Variants in SRP68 observed in about 807,000 individuals in gnomAD.
The protein encoded by SRP68 is signal recognition particle subunit SRP68.
A neutral mutation model predicts 82.2 loss-of-function variants in SRP68; 15 were observed. The observed-to-expected ratio is 0.18, with a 90% CI of 0.12 to 0.28. The LOEUF is 0.28. Ranked by LOEUF, SRP68 falls within the 10% of genes least tolerant of loss-of-function variation. The pLI is 1.00. For missense variants in SRP68, 595 were observed against 780.5 expected (o/e 0.76, Z 2.83); for synonymous variants, 261 against 292.6 (o/e 0.89, Z 1.10).
Position 76,067,199 on chromosome 17 carries a change from G to T in SRP68, c.365+18C>A. The T allele has an allele frequency of 6.4e-7, 1 of 1,569,044 alleles. No individual in the cohort carries two copies. Among genetic ancestry groups the T allele is most frequent in the Non-Finnish European group, 8.8e-7 (1 of 1,139,592 alleles). The stretch of plus-strand genomic sequence containing the variant: ...ATTAGCAAGAAGTAATTTGCAACTA[G>T]CATGGAGCAGTCAATACCTATTATC... On this transcript the variant is annotated intron_variant, in intron 3 of 15. Coordinates refer to ENST00000307877, the MANE Select transcript of SRP68 (RefSeq NM_014230.4).
Position 76,039,579 on chromosome 17 carries a change from G to T in SRP68, c.*127C>A. On this transcript the variant is annotated 3_prime_UTR_variant, in exon 16 of 16. Coordinates refer to ENST00000307877, the MANE Select transcript of SRP68 (RefSeq NM_014230.4). ...CAGACACAAGATGTAGGAATGCAGG[G>T]CCGAAGATGTTAAACTCTTGCCCCG... The T allele has an allele frequency of 1.1e-6, 1 of 872,750 alleles. No individual in the cohort carries two copies. Among genetic ancestry groups the T allele is most frequent in the Non-Finnish European group, 1.8e-6 (1 of 562,800 alleles). 54.1% of individuals were successfully genotyped at this position (872,750 alleles called of 1,614,324 possible). A position where few individuals can be genotyped will look rare whatever the true frequency, so the allele number is the denominator to read the frequency against.
chr17:76,064,840 C>CAAAA (rs11329369), intron 3 of SRP68, among the ~76,000 whole-genome samples: 1 of 83,542 alleles, frequency 1.2e-5, no homozygotes, highest in Non-Finnish European at 2.4e-5. Context: ...GACTCCATCT[C>CAAAA]AAAAAAAAAA....
chr17:76,060,389 C>G lies in SRP68; in HGVS notation c.756G>C (p.Gly252=), dbSNP rs200855791. The G allele has an allele frequency of 6.2e-7, 1 of 1,611,144 alleles. No homozygotes were observed. The highest frequency in any genetic ancestry group is 8.5e-7 in the Non-Finnish European group (1 of 1,178,814). The part of the protein sequence containing the change: ...PNIRYCAYNI[G]DQSAINELMQ... Reference sequence around the variant, plus strand: ...TGAGTTCATTGATGGCTGACTGGTCCCCTAAGAGAGAAAGACAGGAAAATC... The same window carrying G: ...TGAGTTCATTGATGGCTGACTGGTCGCCTAAGAGAGAAAGACAGGAAAATC... Residue 252 remains glycine (G), a splice_region_variant and synonymous_variant, in exon 7 of 16, where the codon GGG becomes GGC. Transcript: ENST00000307877.
chr17:76,045,924 A>G, intron 11 of SRP68, 114 bp downstream of exon 11: 1 of 1,296,620 alleles, frequency 7.7e-7, no homozygotes, highest in Non-Finnish European at 1.1e-6. Flanking sequence ...CTTCCCAGCT[A>G]CTAATAGGTC....
chr17:76,045,095 G>A, intron 12 of SRP68, 197 bp downstream of exon 12: 1 of 518,296 alleles, frequency 1.9e-6, no homozygotes. Flanking sequence ...CCAAAAGGCA[G>A]ACATCATCAC....
intron 8 of SRP68, among the ~76,000 whole-genome samples, chr17:76,053,265 CAAAAA>C (rs34472995): frequency 2.8e-3 from 228 of 82,542 alleles, no homozygotes; most frequent in African/African-American, 0.01. Flanking sequence ...GACCCTGTCT[CAAAAA>C]AAAAAAAAAA....
At chr17:76,065,126 G>A (rs1357043555) in intron 3 of SRP68, among the ~76,000 whole-genome samples, 1 of 151,858 alleles carries the variant, frequency 6.6e-6, no homozygotes, top group Non-Finnish European at 1.5e-5. Context: ...GCTTAACCTT[G>A]TCTCTTCAGA....
chr17:76,040,606 G>A, intron 14 of SRP68, 132 bp from the exon 15 acceptor site: 1 of 869,694 alleles, frequency 1.1e-6, no homozygotes, highest in Non-Finnish European at 1.9e-6. Flanking sequence ...AGCCAGGCCT[G>A]TCTCCTGCTG....
chr17:76,070,295 T>G (rs557035278), intron 2 of SRP68, 83 bp downstream of exon 2: 2 of 1,040,542 alleles, frequency 1.9e-6, no homozygotes, highest in East Asian at 4.9e-5. Context: ...GCATATTTGC[T>G]GATATAGCAG....
At chr17:76,046,920 G>A (rs531955772) in intron 10 of SRP68, among the ~76,000 whole-genome samples, 99 of 152,258 alleles carry the variant, frequency 6.5e-4, no homozygotes, top group Non-Finnish European at 1.1e-3. Context: ...CAGCCTGGGC[G>A]ACAGAGCGAG....
intron 3 of SRP68, among the ~76,000 whole-genome samples, chr17:76,064,840 C>CAA (rs11329369): frequency 2.2e-4 from 18 of 83,502 alleles, no homozygotes; most frequent in East Asian, 3.2e-4. Flanking sequence ...GACTCCATCT[C>CAA]AAAAAAAAAA....
chr17:76,048,881 CAG>C (rs1346677069), intron 9 of SRP68: 1 of 152,228 alleles, frequency 6.6e-6, no homozygotes, highest in Non-Finnish European at 1.5e-5. Flanking sequence ...ATGACAGTGA[CAG>C]GGGCTGGGAC....
At chr17:76,041,761 C>G (rs1230824188) in intron 13 of SRP68, 1 of 152,206 alleles carries the variant, frequency 6.6e-6, no homozygotes, top group Non-Finnish European at 1.5e-5. Flanking sequence ...GCATGCCAGT[C>G]TGTGGCTACA....
chr17:76,039,535 C>G lies in SRP68; in HGVS notation c.*171G>C. 2.9e-6 allele frequency: 2 copies of G among 689,916 alleles called. No homozygotes were observed. The highest frequency in any genetic ancestry group is 5.0e-6 in the Non-Finnish European group (2 of 401,640). 42.7% of individuals were successfully genotyped at this position (689,916 alleles called of 1,614,324 possible). On this transcript the variant is annotated 3_prime_UTR_variant, in exon 16 of 16. Transcript: ENST00000307877. ...AAGACAACAGGGTGCTCTCCTGACA[C>G]GCTGCTTAAGAACGTGTACAGACAC... is the stretch of plus-strand genomic sequence containing the variant.
intron 10 of SRP68, 61 bp downstream of exon 10, chr17:76,047,845 T>C: frequency 1.1e-6 from 1 of 876,130 alleles, no homozygotes; most frequent in East Asian, 3.3e-5. Flanking sequence ...ATATTACATA[T>C]ACTCTTTTGT....
intron 2 of SRP68, among the ~76,000 whole-genome samples, chr17:76,067,882 G>A (rs2066819006): frequency 6.6e-6 from 1 of 152,204 alleles, no homozygotes; most frequent in East Asian, 1.9e-4. Context: ...AAATTGAGTA[G>A]AATCATGCAG....
In SRP68 at chr17:76,039,638, C is replaced by A. The variant is rs561797576; in HGVS notation, c.*68G>T. ...CAGACCTGGATTTAATATCATGGAACTTGCTGGGATTTTCTCACAATACAG... is the reference window on the plus strand; with the variant it reads ...CAGACCTGGATTTAATATCATGGAAATTGCTGGGATTTTCTCACAATACAG... On this transcript the variant is annotated 3_prime_UTR_variant, in exon 16 of 16. Coordinates refer to ENST00000307877, the MANE Select transcript of SRP68 (RefSeq NM_014230.4). The A allele has an allele frequency of 1.3e-6, 2 of 1,488,450 alleles. No individual in the cohort carries two copies. The highest frequency in any genetic ancestry group is 2.8e-5 in the African/African-American group (2 of 71,988). 92.2% of individuals were successfully genotyped at this position (1,488,450 alleles called of 1,614,324 possible). A position where few individuals can be genotyped will look rare whatever the true frequency, so the allele number is the denominator to read the frequency against.
chr17:76,070,531 C>T (rs1384655382), intron 1 of SRP68, 87 bp from the exon 2 acceptor site: 9 of 1,125,988 alleles, frequency 8.0e-6, no homozygotes, highest in Admixed American at 1.8e-5. Flanking sequence ...TGTGTCAAAC[C>T]ACAACACATT....
chr17:76,065,979 C>T (rs1220970264), intron 3 of SRP68, among the ~76,000 whole-genome samples: 1 of 151,534 alleles, frequency 6.6e-6, no homozygotes, highest in Non-Finnish European at 1.5e-5. Context: ...TGTGAATGGG[C>T]GTGGCTGGGT....
Sources: allele counts gnomAD v4.1 joint callset (sites outside exome capture counted in the v4.1 genomes callset), GRCh38; gene constraint gnomAD v4.1.1; transcripts MANE v1.5; gene names NCBI Gene and HGNC (gene_info 2026-07-23, HGNC 2026-07-21).